Variants in NDRG2 observed in about 807,000 individuals in gnomAD.
The protein encoded by NDRG2 is protein NDRG2.
Under a neutral mutation model 58.2 loss-of-function variants are expected in NDRG2, and 34 were observed. That is an observed-to-expected ratio of 0.58 (90% CI 0.44 to 0.78). NDRG2 has a LOEUF of 0.78. Ranked by LOEUF, NDRG2 falls within the 30% of genes least tolerant of loss-of-function variation. The probability of loss-of-function intolerance (pLI) is 0.00; values close to 1 mark genes in which losing one functional copy is unlikely to be tolerated. For missense variants in NDRG2, 434 were observed against 471.2 expected, an observed-to-expected ratio of 0.92 and a Z score of 0.73; for synonymous variants, 187 against 175.9, an observed-to-expected ratio of 1.06 and a Z score of -0.50.
At chr14:21,021,602 C>T in intron 6 of NDRG2, 1 of 583,930 alleles carries the variant, frequency 1.7e-6, no homozygotes, top group Non-Finnish European at 3.0e-6. Flanking sequence ...GACCCTTTTC[C>T]TTCCCTCCAC....
intron 6 of NDRG2, chr14:21,021,168 G>C (rs1399432109): frequency 2.0e-6 from 1 of 501,106 alleles, no homozygotes; most frequent in Non-Finnish European, 3.9e-6. Flanking sequence ...TCAAGAGCCA[G>C]TTCAACTTGT....
chr14:21,023,181 G>T, intron 2 of NDRG2, 60 bp downstream of exon 2: 2 of 1,421,472 alleles, frequency 1.4e-6, no homozygotes, highest in Non-Finnish European at 9.9e-7. Context: ...AAGTTAGAAG[G>T]CAAGGGGGAT....
At chr14:21,043,009 C>T (rs551926552) in intron 1 of NDRG2, 11 of 1,613,598 alleles carry the variant, frequency 6.8e-6, no homozygotes, top group Middle Eastern at 1.6e-4. Context: ...CCGGCCAGAG[C>T]AGGATTCTGC....
Position 21,025,008 on chromosome 14 carries a change from C to T in NDRG2, c.-985G>A, listed in dbSNP as rs1883112194. 1.0e-6 allele frequency: 1 copy of T among 985,804 alleles called. No individual in the cohort carries two copies. The highest frequency in any genetic ancestry group is 4.7e-5 in the South Asian group (1 of 21,324). The allele number at this position is 985,804 out of a possible 1,614,324, so 61.1% of individuals were successfully genotyped here. On this transcript the variant is annotated 5_prime_UTR_variant, in exon 1 of 16. Transcript: ENST00000556147. The surrounding 1 kb of genome is among the most constrained non-coding windows in gnomAD (Gnocchi z 5.1). The stretch of plus-strand genomic sequence containing the variant: ...TGGCGCCTTCCAGGCCCTACGGCCC[C>T]TCGCCTGCCCCTCCCCCTACCTGCT...
At chr14:21,031,982 G>A (rs1365657255) in intron 1 of NDRG2, 2 of 1,614,008 alleles carry the variant, frequency 1.2e-6, no homozygotes, top group Non-Finnish European at 8.5e-7. Context: ...GAGTGGCAAG[G>A]GCAAGGGCAT....
At chr14:21,034,453 G>A in intron 1 of NDRG2, among the ~76,000 whole-genome samples, 1 of 152,120 alleles carries the variant, frequency 6.6e-6, no homozygotes, top group East Asian at 1.9e-4. Context: ...CTTGCCCAAG[G>A]CCACCCAGAC....
intron 1 of NDRG2, chr14:21,033,932 T>TG (rs1318047002): frequency 2.5e-6 from 4 of 1,613,754 alleles, no homozygotes; most frequent in African/African-American, 1.3e-5. Context: ...AGCTAGTGGG[T>TG]GGCTGTTGGT....
At chr14:21,052,632 G>T (rs765927023) in intron 1 of NDRG2, among the ~76,000 whole-genome samples, 1 of 152,186 alleles carries the variant, frequency 6.6e-6, no homozygotes, top group African/African-American at 2.4e-5. Flanking sequence ...CCACTCATAC[G>T]GAATGGGTAG....
intron 4 of NDRG2, 54 bp downstream of exon 4, chr14:21,022,338 C>T: frequency 1.3e-6 from 2 of 1,584,734 alleles, no homozygotes; most frequent in Admixed American, 3.4e-5. Context: ...CATTTCTACC[C>T]TTCCCCCACA....
At chr14:21,033,923 G>A (rs1884430036) in intron 1 of NDRG2, 1 of 1,613,778 alleles carries the variant, frequency 6.2e-7, no homozygotes, top group South Asian at 1.1e-5. Flanking sequence ...TGTAGTAGCA[G>A]CTAGTGGGTG....
intron 1 of NDRG2, among the ~76,000 whole-genome samples, chr14:21,060,203 T>A (rs1031443569): frequency 2.6e-5 from 4 of 152,116 alleles, no homozygotes; most frequent in South Asian, 4.1e-4. Flanking sequence ...AAGCATAGAA[T>A]CCAGAAATTC....
chr14:21,030,863 G>T, intron 1 of NDRG2: 1 of 1,510,952 alleles, frequency 6.6e-7, no homozygotes, highest in South Asian at 1.3e-5. Flanking sequence ...AAGCACCACA[G>T]GGTACCTGGC....
At chr14:21,042,509 A>G (rs938581363) in intron 1 of NDRG2, 1 of 175,192 alleles carries the variant, frequency 5.7e-6, no homozygotes, top group Admixed American at 5.4e-5. Flanking sequence ...TGATCCTGAG[A>G]GTACACTCAG....
At chr14:21,064,651 G>A (rs532134014) in intron 1 of NDRG2, among the ~76,000 whole-genome samples, 9 of 152,184 alleles carry the variant, frequency 5.9e-5, no homozygotes, top group Admixed American at 1.3e-4. Context: ...ATACTTATGC[G>A]TGGAAATATA....
intron 4 of NDRG2, 31 bp from the exon 5 acceptor site, chr14:21,022,213 G>C: frequency 6.2e-7 from 1 of 1,613,986 alleles, no homozygotes; most frequent in East Asian, 2.2e-5. Flanking sequence ...CTCAACAATA[G>C]AATCAGACAG....
intron 1 of NDRG2, among the ~76,000 whole-genome samples, chr14:21,056,856 A>G (rs2139147007): frequency 2.0e-5 from 3 of 152,132 alleles, no homozygotes; most frequent in Admixed American, 2.0e-4. Flanking sequence ...ACTGAGATGA[A>G]CTCTAAGGTC....
intron 1 of NDRG2, among the ~76,000 whole-genome samples, chr14:21,040,552 C>T (rs1472475005): frequency 6.6e-6 from 1 of 152,176 alleles, no homozygotes; most frequent in Non-Finnish European, 1.5e-5. Flanking sequence ...AGAACCCTTC[C>T]AGGGTTCCCT....
At chr14:21,031,809 C>T in intron 1 of NDRG2, 1 of 1,465,638 alleles carries the variant, frequency 6.8e-7, no homozygotes, top group Non-Finnish European at 9.2e-7. Context: ...AGCACTTGTT[C>T]TAAGTATCTC....
intron 1 of NDRG2, among the ~76,000 whole-genome samples, chr14:21,062,154 C>G (rs1472650817): frequency 2.0e-5 from 3 of 152,106 alleles, no homozygotes; most frequent in African/African-American, 7.2e-5. Flanking sequence ...GTTAAAAAGC[C>G]AAGTAGCCTC....
Sources: allele counts gnomAD v4.1 joint callset (sites outside exome capture counted in the v4.1 genomes callset), GRCh38; gene constraint gnomAD v4.1.1; non-coding constraint Gnocchi (gnomAD v3.1); transcripts MANE v1.5; gene names NCBI Gene and HGNC (gene_info 2026-07-23, HGNC 2026-07-21).